SIAH3: variants seen among roughly 807,000 people sequenced by gnomAD.
SIAH3 encodes siah E3 ubiquitin protein ligase family member 3.
A neutral mutation model predicts 12.6 loss-of-function variants in SIAH3; 9 were observed. The ratio of observed to expected loss-of-function variants is 0.72; its 90% CI spans 0.43 to 1.25. The LOEUF is 1.25. SIAH3 is among the 50% of genes most tolerant of loss of function. The pLI, the probability that SIAH3 is intolerant of heterozygous loss-of-function variation, is 0.00. For missense variants in SIAH3, 390 were observed against 365.4 expected, an observed-to-expected ratio of 1.07 and a Z score of -0.55; for synonymous variants, 154 against 151.1, an observed-to-expected ratio of 1.02 and a Z score of -0.14.
chr13:45,824,874 T>C (rs1950668232), intron 1 of SIAH3, among the ~76,000 whole-genome samples: 1 of 132,574 alleles, frequency 7.5e-6, no homozygotes, highest in Non-Finnish European at 1.6e-5. Flanking sequence ...CGAGACTCTG[T>C]CTCAAAAAAA....
At chr13:45,825,230 G>A (rs145965386) in intron 1 of SIAH3, among the ~76,000 whole-genome samples, 5 of 152,278 alleles carry the variant, frequency 3.3e-5, no homozygotes, top group Admixed American at 2.0e-4. Flanking sequence ...ATTCCTGGGC[G>A]TTTTGATGGG....
chr13:45,811,472 C>CT (rs1566091507), intron 1 of SIAH3, among the ~76,000 whole-genome samples: 1 of 152,002 alleles, frequency 6.6e-6, no homozygotes, highest in African/African-American at 2.4e-5. Flanking sequence ...TGAAAGAGTA[C>CT]TTTTTTTTGA....
intron 1 of SIAH3, among the ~76,000 whole-genome samples, chr13:45,833,646 C>T (rs117983300): frequency 5.5e-4 from 84 of 152,288 alleles, no homozygotes; most frequent in East Asian, 5.0e-3. Context: ...TTTTCTCATT[C>T]GATCCTCACG....
Position 45,826,408 on chromosome 13 carries a change from GA to G in SIAH3, c.135+25086del, listed in dbSNP as rs1437332377. 3.4e-4 allele frequency among the ~76,000 whole-genome samples: 36 copies of G among 107,014 alleles called. 2 individuals are homozygous for G. Among genetic ancestry groups the G allele is most frequent in the African/African-American group, 4.1e-4 (11 of 27,060 alleles). 70.2% of individuals were successfully genotyped at this position (107,014 alleles called of 152,430 possible). A position where few individuals can be genotyped will look rare whatever the true frequency, so the allele number is the denominator to read the frequency against. On this transcript the variant is annotated intron_variant, in intron 1 of 1. Transcript: ENST00000400405. ...GGATGGATGGATGGATGGATGGATG[GA>G]TGGATGGATGGATGGATGGATGAAT...
intron 1 of SIAH3, among the ~76,000 whole-genome samples, chr13:45,811,921 G>T (rs1467058892): frequency 2.6e-5 from 4 of 152,160 alleles, no homozygotes; most frequent in Non-Finnish European, 5.9e-5. Flanking sequence ...CTTTCAGCCT[G>T]GTTTAGTTAT....
chr13:45,797,099 T>C (rs1177685133), intron 1 of SIAH3, among the ~76,000 whole-genome samples: 3 of 152,032 alleles, frequency 2.0e-5, no homozygotes, highest in Non-Finnish European at 2.9e-5. Context: ...TCTGCTAAGA[T>C]AATTAGCCTA....
chr13:45,800,334 T>G (rs1950577307), intron 1 of SIAH3, among the ~76,000 whole-genome samples: 1 of 152,222 alleles, frequency 6.6e-6, no homozygotes, highest in African/African-American at 2.4e-5. Flanking sequence ...CTCATATGAA[T>G]GTAGCATAAT....
intron 1 of SIAH3, among the ~76,000 whole-genome samples, chr13:45,815,645 C>T (rs1950631886): frequency 6.6e-6 from 1 of 152,220 alleles, no homozygotes; most frequent in South Asian, 2.1e-4. Context: ...TTGCTGGACT[C>T]ATTTGAAAGC....
At chr13:45,794,930 T>G (rs950429357) in intron 1 of SIAH3, among the ~76,000 whole-genome samples, 1 of 149,728 alleles carries the variant, frequency 6.7e-6, no homozygotes, top group African/African-American at 2.5e-5. Context: ...CCTTAAGGCC[T>G]TCTAGCAATT....
chr13:45,782,279 T>C lies in SIAH3; in HGVS notation c.*1104A>G, dbSNP rs9534212. On this transcript the variant is annotated 3_prime_UTR_variant, in exon 2 of 2. Coordinates refer to ENST00000400405, the MANE Select transcript of SIAH3 (RefSeq NM_198849.3). ...TTGAGCCGTGGTCACGTCTGCGTGC[T>C]GAATGGGACGGTAGGAGCATTTTAG... 0.22 allele frequency: 32,960 copies of C among 151,908 alleles called. 4,229 individuals are homozygous for C. Among genetic ancestry groups the C allele is most frequent in the East Asian group, 0.39 (1,982 of 5,134 alleles). The allele number at this position is 151,908 out of a possible 1,614,324, so 9.4% of individuals were successfully genotyped here. A position where few individuals can be genotyped will look rare whatever the true frequency, so the allele number is the denominator to read the frequency against.
chr13:45,783,419 G>C lies in SIAH3; in HGVS notation c.774C>G (p.Thr258=), dbSNP rs776878024. Reference sequence around the variant, plus strand: ...CTTCTGAGGGGAGGACCTCTGTCGCGGTGATGGCAATCCCAATGGCAAGGC... The same window carrying C: ...CTTCTGAGGGGAGGACCTCTGTCGCCGTGATGGCAATCCCAATGGCAAGGC... The part of the protein sequence containing the change: ...NGSLAIGIAI[T]ATEVLPSEAE... Residue 258 remains threonine (T), a synonymous_variant, in exon 2 of 2, where the codon ACC becomes ACG. Coordinates refer to ENST00000400405, the MANE Select transcript of SIAH3 (RefSeq NM_198849.3). The C allele has an allele frequency of 6.2e-7, 1 of 1,613,612 alleles. No homozygotes were observed. Among genetic ancestry groups the C allele is most frequent in the Non-Finnish European group, 8.5e-7 (1 of 1,179,612 alleles).
intron 1 of SIAH3, among the ~76,000 whole-genome samples, chr13:45,836,157 G>A (rs1212041366): frequency 5.3e-5 from 8 of 152,296 alleles, no homozygotes; most frequent in Admixed American, 1.3e-4. Flanking sequence ...GGCAGATAGA[G>A]GGGGTCAAGG....
At chr13:45,833,120 T>C (rs747984019) in intron 1 of SIAH3, among the ~76,000 whole-genome samples, 7 of 152,258 alleles carry the variant, frequency 4.6e-5, no homozygotes, top group Non-Finnish European at 7.3e-5. Context: ...GTACCCATTA[T>C]AGTGGGCATC....
rs926354699 is a variant in SIAH3 at position 45,837,274 on chromosome 13, TAG to T, written c.135+14219_135+14220del. Among the ~76,000 whole-genome samples the T allele has an allele frequency of 8.2e-4, 125 of 152,342 alleles. 1 individual carries two copies. The highest frequency in any genetic ancestry group is 2.8e-3 in the African/African-American group (118 of 41,580). ...CATCTGGTGACTTTGGATTTGTTCA[TAG>T]AGTCATTACTCATTTTGAAGATTTG... On this transcript the variant is annotated intron_variant, in intron 1 of 1. Transcript: ENST00000400405.
At chr13:45,789,414 A>G (rs1335469568) in intron 1 of SIAH3, among the ~76,000 whole-genome samples, 2 of 145,388 alleles carry the variant, frequency 1.4e-5, no homozygotes, top group African/African-American at 5.1e-5. Flanking sequence ...CTATCTATCT[A>G]TCTATATGTT....
chr13:45,788,817 A>G (rs1375704216), intron 1 of SIAH3, among the ~76,000 whole-genome samples: 1 of 152,156 alleles, frequency 6.6e-6, no homozygotes, highest in Non-Finnish European at 1.5e-5. Flanking sequence ...TTTGTACCCA[A>G]TTTTATATGG....
chr13:45,834,376 T>G (rs1009510276), intron 1 of SIAH3, among the ~76,000 whole-genome samples: 1 of 152,228 alleles, frequency 6.6e-6, no homozygotes, highest in African/African-American at 2.4e-5. Context: ...CAGACCTGCT[T>G]ACTGACATCG....
chr13:45,847,738 G>A (rs1950765555), intron 1 of SIAH3, among the ~76,000 whole-genome samples: 1 of 152,006 alleles, frequency 6.6e-6, no homozygotes, highest in Non-Finnish European at 1.5e-5. Context: ...AGGGCCTCAT[G>A]GAAGTTTGCC....
chr13:45,800,736 A>G (rs1383567118), intron 1 of SIAH3, among the ~76,000 whole-genome samples: 1 of 152,250 alleles, frequency 6.6e-6, no homozygotes, highest in Non-Finnish European at 1.5e-5. Flanking sequence ...TCAGCCCGTC[A>G]TGCGAAAAGC....
Sources: allele counts gnomAD v4.1 joint callset (sites outside exome capture counted in the v4.1 genomes callset), GRCh38; gene constraint gnomAD v4.1.1; transcripts MANE v1.5; gene names NCBI Gene and HGNC (gene_info 2026-07-23, HGNC 2026-07-21).